Variants in CHIC1 observed in about 807,000 individuals in gnomAD.
CHIC1 encodes cysteine-rich hydrophobic domain-containing protein 1.
A neutral mutation model predicts 18.5 loss-of-function variants in CHIC1; 7 were observed. The observed-to-expected ratio is 0.38, with a 90% CI of 0.22 to 0.71. The LOEUF (loss-of-function observed/expected upper bound fraction) is 0.71, where lower values mean the gene tolerates loss of function less well. CHIC1 is among the 30% of genes least tolerant of loss of function. The pLI is 0.49. For synonymous variants in CHIC1, 77 were observed against 73.5 expected, an observed-to-expected ratio of 1.05 and a Z score of -0.25; for missense variants, 159 against 176.9, an observed-to-expected ratio of 0.90 and a Z score of 0.57.
intron 3 of CHIC1, among the ~76,000 whole-genome samples, chrX:73,610,726 C>T (rs1024260718): frequency 3.7e-5 from 4 of 108,387 alleles, no homozygotes; most frequent in African/African-American, 1.4e-4. Context: ...TTTGTTGGGA[C>T]ACTTTTTTAA....
intron 3 of CHIC1, among the ~76,000 whole-genome samples, chrX:73,626,325 G>A (rs1186012136): frequency 1.8e-5 from 2 of 110,431 alleles, no homozygotes; most frequent in African/African-American, 6.6e-5. Context: ...TCTTGTACTT[G>A]GATATTGGTA....
chrX:73,655,468 A>G (rs1378760540), intron 3 of CHIC1, among the ~76,000 whole-genome samples: 1 of 72,598 alleles, frequency 1.4e-5, no homozygotes, highest in African/African-American at 4.6e-5. Flanking sequence ...TTGTGTATAT[A>G]TATATACATA....
chrX:73,584,662 C>T, intron 3 of CHIC1, 90 bp downstream of exon 3: 1 of 645,530 alleles, frequency 1.5e-6, no homozygotes, highest in Non-Finnish European at 2.2e-6. Context: ...AAGTACTTTA[C>T]ACAATTTAGT....
At position 73,672,262 on chromosome X, in the gene CHIC1, A is replaced by C. The variant is rs952653266; in HGVS notation, c.508-7064A>C. 3.6e-5 allele frequency among the ~76,000 whole-genome samples: 4 copies of C among 111,989 alleles called. No individual in the cohort carries two copies. In the Admixed American group the frequency reaches 3.8e-4, roughly 11 times the overall value. ...ATGTGTCTTTATAGCAGCATGATTT[A>C]TAATCCTTTGGGTATATACCCAGTA... On this transcript the variant is annotated intron_variant, in intron 3 of 5. Transcript: ENST00000373502.
rs1324243659 is a variant in CHIC1, at chrX:73,601,006, C to G, written c.507+16434C>G. Among the ~76,000 whole-genome samples the G allele has an allele frequency of 1.9e-5, 2 of 107,962 alleles. 1 individual carries two copies. Among genetic ancestry groups the G allele is most frequent in the African/African-American group, 7.2e-5 (2 of 27,702 alleles). 93.8% of individuals were successfully genotyped at this position (107,962 alleles called of 115,157 possible). A position where few individuals can be genotyped will look rare whatever the true frequency, so the allele number is the denominator to read the frequency against. On this transcript the variant is annotated intron_variant, in intron 3 of 5. Coordinates refer to ENST00000373502, the MANE Select transcript of CHIC1 (RefSeq NM_001039840.4). ...AAAGGGATCAATTCAACAACAAGAG[C>G]TAACTATCCTAAATATATATGCACC...
chrX:73,578,163 AATT>A (rs1312873463), intron 2 of CHIC1, among the ~76,000 whole-genome samples: 2 of 110,662 alleles, frequency 1.8e-5, no homozygotes, highest in Non-Finnish European at 3.8e-5. Context: ...TTTGACTAAT[AATT>A]ATTTTACTGT....
At chrX:73,566,217 C>T (rs983626491) in intron 1 of CHIC1, among the ~76,000 whole-genome samples, 5 of 109,697 alleles carry the variant, frequency 4.6e-5, no homozygotes, top group Non-Finnish European at 9.5e-5. Context: ...CCATCATCTC[C>T]TGCTTGACTT....
intron 3 of CHIC1, among the ~76,000 whole-genome samples, chrX:73,596,612 A>G (rs1383457745): frequency 9.0e-6 from 1 of 111,403 alleles, no homozygotes; most frequent in South Asian, 3.8e-4. Flanking sequence ...GCATCACACT[A>G]TCTGACTTCA....
At chrX:73,642,615 A>G (rs1428020405) in intron 3 of CHIC1, among the ~76,000 whole-genome samples, 8 of 107,346 alleles carry the variant, frequency 7.5e-5, no homozygotes, top group Non-Finnish European at 1.5e-4. Context: ...CCTGAATGGT[A>G]ATGCCTAGGT....
At chrX:73,628,110 G>A (rs1031448415) in intron 3 of CHIC1, among the ~76,000 whole-genome samples, 9 of 111,768 alleles carry the variant, frequency 8.1e-5, no homozygotes, top group African/African-American at 2.6e-4. Context: ...TGGAACGGGA[G>A]CCTCACAACT....
At chrX:73,570,764 G>A (rs1406144773) in intron 1 of CHIC1, among the ~76,000 whole-genome samples, 2 of 110,816 alleles carry the variant, frequency 1.8e-5, no homozygotes, top group African/African-American at 6.5e-5. Flanking sequence ...TTTGTAGTTT[G>A]CTTAGAAAGA....
At chrX:73,601,910 A>T (rs1289983834) in intron 3 of CHIC1, among the ~76,000 whole-genome samples, 2 of 105,439 alleles carry the variant, frequency 1.9e-5, no homozygotes, top group African/African-American at 7.5e-5. Context: ...AATACAAACT[A>T]CCATCAGAGA....
chrX:73,674,216 A>C (rs1440705885), intron 3 of CHIC1, among the ~76,000 whole-genome samples: 1 of 111,540 alleles, frequency 9.0e-6, no homozygotes, highest in Non-Finnish European at 1.9e-5. Flanking sequence ...TGTCTCTGCC[A>C]GGCTTTGGTA....
intron 3 of CHIC1, among the ~76,000 whole-genome samples, chrX:73,638,525 C>CT (rs1468461667): frequency 9.0e-6 from 1 of 110,541 alleles, no homozygotes; most frequent in Non-Finnish European, 1.9e-5. Context: ...GATGTCTTTT[C>CT]TTTAAAAAAA....
Position 73,681,270 on chromosome X carries a change from TA to T in CHIC1, c.*268del. On this transcript the variant is annotated 3_prime_UTR_variant, in exon 6 of 6. Transcript: ENST00000373502. ...ATATATAGATAGTTGCCATTAAAGATAAATCATCAGTGTTGGTGTTTAAAAA... is the reference window on the plus strand; with the variant it reads ...ATATATAGATAGTTGCCATTAAAGATAATCATCAGTGTTGGTGTTTAAAAA... 3 of 246,590 alleles carry T rather than the reference TA, an allele frequency of 1.2e-5. No individual in the cohort carries two copies. Among genetic ancestry groups the T allele is most frequent in the Non-Finnish European group, 2.1e-5 (3 of 140,253 alleles). The allele number at this position is 246,590 out of a possible 1,213,427, so 20.3% of individuals were successfully genotyped here.
At chrX:73,593,905 A>C (rs760832052) in intron 3 of CHIC1, among the ~76,000 whole-genome samples, 2 of 111,547 alleles carry the variant, frequency 1.8e-5, no homozygotes, top group African/African-American at 3.2e-5. Context: ...GTCATTTCAG[A>C]CATTTCAAAC....
intron 3 of CHIC1, among the ~76,000 whole-genome samples, chrX:73,595,633 A>T (rs191695188): frequency 9.0e-6 from 1 of 111,723 alleles, no homozygotes; most frequent in African/African-American, 3.2e-5. Flanking sequence ...TGCAATAAAC[A>T]TACGTGTGCA....
chrX:73,677,397 G>A (rs778053611), intron 3 of CHIC1, among the ~76,000 whole-genome samples: 19 of 111,893 alleles, frequency 1.7e-4, no homozygotes, highest in South Asian at 1.1e-3. Flanking sequence ...CAAGCTTCCC[G>A]GCTGCTTTGT....
intron 3 of CHIC1, among the ~76,000 whole-genome samples, chrX:73,663,466 A>G (rs1194240483): frequency 2.7e-5 from 3 of 110,368 alleles, no homozygotes; most frequent in Non-Finnish European, 5.7e-5. Context: ...ATTAACAGGG[A>G]TGAGCATGAT....
Sources: allele counts gnomAD v4.1 joint callset (sites outside exome capture counted in the v4.1 genomes callset), GRCh38; gene constraint gnomAD v4.1.1; transcripts MANE v1.5; gene names NCBI Gene and HGNC (gene_info 2026-07-23, HGNC 2026-07-21).